The following RGS12 variants were observed in gnomAD, a reference collection of about 807,000 sequenced individuals.
RGS12 encodes regulator of G protein signaling 12.
RGS12 carries 66 observed loss-of-function variants against 120.1 expected under a neutral mutation model. That is an observed-to-expected ratio of 0.55 (90% CI 0.45 to 0.67). The LOEUF is 0.67. RGS12 is among the 30% of genes least tolerant of loss of function. The probability of loss-of-function intolerance (pLI) is 0.00; values close to 1 mark genes in which losing one functional copy is unlikely to be tolerated. For missense variants in RGS12, 1,859 were observed against 1,957.7 expected (o/e 0.95, Z 0.95); for synonymous variants, 827 against 804.7 (o/e 1.03, Z -0.47).
At chr4:3,428,529 G>A (rs1383901989) in intron 15 of RGS12, 29 bp from the exon 16 acceptor site, 3 of 1,553,798 alleles carry the variant, frequency 1.9e-6, no homozygotes, top group East Asian at 2.3e-5. Flanking sequence ...TGAAATGAAA[G>A]TAGAACTTTG....
Position 3,385,888 on chromosome 4 carries a change from G to T in RGS12, c.1999-528G>T, listed in dbSNP as rs374178336. ...TGCTGCCACCCTGAGTGGTCATTGC[G>T]CCTCTCTAGGCCCCGTTCCACTCCT... On this transcript the variant is annotated intron_variant, in intron 3 of 17. Coordinates refer to ENST00000336727, the MANE Select transcript of RGS12 (RefSeq NM_001394154.1). The T allele has an allele frequency of 5.7e-5, 9 of 158,632 alleles. No homozygotes were observed. The East Asian group carries it at 1.5e-3, about 26-fold the overall frequency. The allele number at this position is 158,632 out of a possible 1,614,324, so 9.8% of individuals were successfully genotyped here. A position where few individuals can be genotyped will look rare whatever the true frequency, so the allele number is the denominator to read the frequency against.
intron 3 of RGS12, chr4:3,385,350 C>G (rs1718725841): frequency 6.6e-6 from 1 of 152,472 alleles, no homozygotes; most frequent in African/African-American, 2.4e-5. Flanking sequence ...GGGATCAGAT[C>G]AAACACGGGT....
upstream of RGS12, chr4:3,292,980 CCG>C (rs1397997553): frequency 6.7e-6 from 1 of 149,974 alleles, no homozygotes; most frequent in Non-Finnish European, 1.5e-5. Context: ...CGCCCCTCCT[CCG>C]GCCTCGGCCC....
intron 17 of RGS12, among the ~76,000 whole-genome samples, chr4:3,437,073 G>A (rs976492041): frequency 6.6e-6 from 1 of 152,196 alleles, no homozygotes; most frequent in African/African-American, 2.4e-5. Context: ...GGAAATGCTG[G>A]GCAAGAAGGT....
intron 9 of RGS12, among the ~76,000 whole-genome samples, chr4:3,419,966 C>T (rs1722827769): frequency 1.3e-5 from 2 of 152,204 alleles, no homozygotes; most frequent in South Asian, 4.1e-4. Context: ...GGTCTGGGAG[C>T]TGCCTTCCCC....
chr4:3,420,005 C>G (rs1227293201), intron 9 of RGS12, among the ~76,000 whole-genome samples: 4 of 152,178 alleles, frequency 2.6e-5, no homozygotes, highest in African/African-American at 9.7e-5. Flanking sequence ...AGCCCATGTG[C>G]AGCGGTGTGG....
At chr4:3,425,367 C>G in intron 13 of RGS12, 97 bp from the exon 14 acceptor site, 1 of 1,104,772 alleles carries the variant, frequency 9.1e-7, no homozygotes, top group Non-Finnish European at 1.4e-6. Context: ...GTGACTCCAT[C>G]AAGCCTAGGA....
chr4:3,302,323 C>T lies in RGS12; in HGVS notation c.-102+9224C>T, dbSNP rs181687958. Among the ~76,000 whole-genome samples, 353 of 142,658 alleles carry T rather than the reference C, an allele frequency of 2.5e-3. 2 individuals are homozygous for T. The highest frequency in any genetic ancestry group is 8.7e-3 in the African/African-American group (335 of 38,514). The allele number at this position is 142,658 out of a possible 152,430, so 93.6% of individuals were successfully genotyped here. Reference sequence around the variant, plus strand: ...ACAGGGCAGGCCCTGCTGGACTGACCGCAGGGTCAGGTTGGCGCCTGTGAC... The same window carrying T: ...ACAGGGCAGGCCCTGCTGGACTGACTGCAGGGTCAGGTTGGCGCCTGTGAC... On this transcript the variant is annotated intron_variant, in intron 1 of 17. Coordinates refer to ENST00000336727, the MANE Select transcript of RGS12 (RefSeq NM_001394154.1).
chr4:3,424,018 T>C (rs970158750), intron 13 of RGS12, among the ~76,000 whole-genome samples: 1 of 152,226 alleles, frequency 6.6e-6, no homozygotes, highest in African/African-American at 2.4e-5. Flanking sequence ...GGCATTGTGC[T>C]CATGCCCCCA....
chr4:3,376,228 A>G (rs1717669622), intron 3 of RGS12, among the ~76,000 whole-genome samples: 1 of 151,100 alleles, frequency 6.6e-6, no homozygotes, highest in African/African-American at 2.4e-5. Flanking sequence ...ATTTTATTCA[A>G]GGTTGAAAAG....
At chr4:3,429,892 G>A (rs938798369) in intron 16 of RGS12, among the ~76,000 whole-genome samples, 1 of 152,146 alleles carries the variant, frequency 6.6e-6, no homozygotes, top group African/African-American at 2.4e-5. Context: ...ATTTGAGGGT[G>A]CCCCTTCCCA....
intron 3 of RGS12, among the ~76,000 whole-genome samples, chr4:3,354,527 G>A (rs1315592840): frequency 1.3e-5 from 2 of 152,190 alleles, no homozygotes; most frequent in African/African-American, 4.8e-5. Flanking sequence ...GGACCGTAAA[G>A]CAAGTCTCAA....
chr4:3,393,517 T>C (rs1719717092), intron 4 of RGS12, among the ~76,000 whole-genome samples: 1 of 152,104 alleles, frequency 6.6e-6, no homozygotes, highest in Non-Finnish European at 1.5e-5. Context: ...CACCTTGTGC[T>C]GTGGTTCATG....
intron 3 of RGS12, among the ~76,000 whole-genome samples, chr4:3,354,860 G>A (rs1162626903): frequency 6.6e-6 from 1 of 152,052 alleles, no homozygotes; most frequent in East Asian, 1.9e-4. Flanking sequence ...GTCAAAGCTA[G>A]GCAATAATAA....
chr4:3,432,994 A>T (rs1012635560), intron 17 of RGS12, among the ~76,000 whole-genome samples: 1 of 152,238 alleles, frequency 6.6e-6, no homozygotes, highest in East Asian at 1.9e-4. Flanking sequence ...TGCTCTGTGC[A>T]GCTTGCTTCT....
intron 6 of RGS12, among the ~76,000 whole-genome samples, chr4:3,415,725 C>T (rs547377151): frequency 6.6e-6 from 1 of 152,376 alleles, no homozygotes; most frequent in African/African-American, 2.4e-5. Flanking sequence ...AGTATTGCCC[C>T]TGCGCAGCTG....
At chr4:3,321,195 T>G (rs1169105509) in intron 2 of RGS12, among the ~76,000 whole-genome samples, 1 of 152,090 alleles carries the variant, frequency 6.6e-6, no homozygotes, top group Non-Finnish European at 1.5e-5. Context: ...AAAGAAAGGC[T>G]AAGGTCATCA....
At chr4:3,299,871 T>TGACCCCTG (rs1268914981) in intron 1 of RGS12, among the ~76,000 whole-genome samples, 3 of 152,186 alleles carry the variant, frequency 2.0e-5, no homozygotes, top group Non-Finnish European at 4.4e-5. Context: ...CAGAGGCCCA[T>TGACCCCTG]GACCCCTGGA....
intron 13 of RGS12, 37 bp from the exon 14 acceptor site, chr4:3,425,427 G>T: frequency 6.4e-7 from 1 of 1,563,416 alleles, no homozygotes; most frequent in Non-Finnish European, 8.8e-7. Flanking sequence ...TGAAGTTCCA[G>T]TCTGGGTAAA....
Sources: gnomAD v4.1 joint callset for allele counts (sites outside exome capture counted in the v4.1 genomes callset) on GRCh38, gnomAD v4.1.1 for gene constraint, MANE v1.5 for transcripts, NCBI Gene and HGNC (gene_info 2026-07-23, HGNC 2026-07-21) for gene names.